Variants in CCDC7 observed in about 807,000 individuals in gnomAD.
CCDC7 encodes coiled-coil domain-containing protein 7.
Under a neutral mutation model 196.9 loss-of-function variants are expected in CCDC7, and 183 were observed. The ratio of observed to expected loss-of-function variants is 0.93; its 90% CI spans 0.82 to 1.05. CCDC7 has a LOEUF of 1.05. Among genes scored for constraint, CCDC7 ranks in the 50% least tolerant of loss-of-function variants. CCDC7 has a pLI of 0.00. For missense variants in CCDC7, 1,540 were observed against 1,482.2 expected, an observed-to-expected ratio of 1.04 and a Z score of -0.64; for synonymous variants, 525 against 484.6, an observed-to-expected ratio of 1.08 and a Z score of -1.10.
chr10:32,651,228 C>T (rs1414996828), intron 20 of CCDC7, among the ~76,000 whole-genome samples: 4 of 152,160 alleles, frequency 2.6e-5, no homozygotes, highest in Non-Finnish European at 4.4e-5. Flanking sequence ...TGAGCAGTCT[C>T]CCAGTCTCTT....
At chr10:32,878,428 T>G (rs1394084803), downstream of CCDC7, among the ~76,000 whole-genome samples, 1 of 152,080 alleles carries the variant, frequency 6.6e-6, no homozygotes, top group Non-Finnish European at 1.5e-5. Flanking sequence ...CTTGGAGAAG[T>G]AGGACCAGGA....
intron 30 of CCDC7, among the ~76,000 whole-genome samples, chr10:32,812,569 C>T (rs188525280): frequency 5.3e-5 from 8 of 152,010 alleles, no homozygotes; most frequent in African/African-American, 1.7e-4. Context: ...ACAGACATTA[C>T]TGAATGTATT....
upstream of CCDC7, among the ~76,000 whole-genome samples, chr10:32,449,103 T>C (rs774408301): frequency 6.6e-6 from 1 of 152,166 alleles, no homozygotes; most frequent in African/African-American, 2.4e-5. Context: ...ATGGCTGATA[T>C]TCTCTTTCTG....
chr10:32,804,468 T>C (rs2085414959), intron 29 of CCDC7, among the ~76,000 whole-genome samples: 2 of 152,178 alleles, frequency 1.3e-5, no homozygotes. Flanking sequence ...TCGCTGGTGC[T>C]TACTTGGTTT....
intron 13 of CCDC7, among the ~76,000 whole-genome samples, chr10:32,545,698 G>A (rs2052319377): frequency 6.6e-6 from 1 of 152,086 alleles, no homozygotes; most frequent in Non-Finnish European, 1.5e-5. Flanking sequence ...TTGAGGTCAG[G>A]AGTTCGAGAC....
At chr10:32,548,530 AAG>A (rs2052905373) in intron 13 of CCDC7, among the ~76,000 whole-genome samples, 1 of 152,236 alleles carries the variant, frequency 6.6e-6, no homozygotes, top group African/African-American at 2.4e-5. Context: ...ATGGCGGACA[AAG>A]AACACGGGAG....
intron 28 of CCDC7, among the ~76,000 whole-genome samples, chr10:32,759,280 T>C (rs1372152923): frequency 5.9e-5 from 9 of 152,038 alleles, no homozygotes; most frequent in African/African-American, 9.7e-5. Context: ...GAGCCCGCAT[T>C]GCCAAGTCAA....
intron 21 of CCDC7, among the ~76,000 whole-genome samples, chr10:32,685,095 T>G (rs541871704): frequency 6.6e-6 from 1 of 152,286 alleles, no homozygotes; most frequent in Admixed American, 6.5e-5. Context: ...TATTGTATTC[T>G]TACATTTCAC....
exon 10 of CCDC7, chr10:32,517,953 A>G: frequency 2.5e-6 from 4 of 1,592,110 alleles, no homozygotes; most frequent in Non-Finnish European, 3.4e-6. Context: ...AGAGCTGTAA[A>G]TGATCAAGTT....
intron 24 of CCDC7, among the ~76,000 whole-genome samples, chr10:32,711,308 C>A (rs1171211790): frequency 2.0e-5 from 3 of 151,810 alleles, no homozygotes; most frequent in Non-Finnish European, 1.5e-5. Flanking sequence ...TAATGAATGA[C>A]CTTGAACATA....
chr10:32,657,492 C>T (rs59671860), intron 20 of CCDC7, among the ~76,000 whole-genome samples: 13,560 of 152,276 alleles, frequency 0.089, 864 homozygotes, highest in East Asian at 0.33. Flanking sequence ...GGGGCTTGCA[C>T]CCTCTGAAGC....
intron 41 of CCDC7, among the ~76,000 whole-genome samples, chr10:32,871,329 G>A (rs1335867165): frequency 6.6e-6 from 1 of 152,088 alleles, no homozygotes; most frequent in Non-Finnish European, 1.5e-5. Context: ...TTAGTCTTGG[G>A]AGGATGTATG....
intron 18 of CCDC7, among the ~76,000 whole-genome samples, chr10:32,633,192 C>T (rs1428860436): frequency 2.8e-5 from 4 of 140,736 alleles, no homozygotes; most frequent in African/African-American, 8.1e-5. Context: ...ACACAGGGCT[C>T]CTCAGTTTGC....
intron 41 of CCDC7, among the ~76,000 whole-genome samples, chr10:32,862,237 TA>T (rs1353255800): frequency 6.6e-6 from 1 of 151,992 alleles, no homozygotes; most frequent in Non-Finnish European, 1.5e-5. Flanking sequence ...TATGCAGCCA[TA>T]AAAAAGAATG....
At chr10:32,530,903 A>G (rs1339027096) in intron 11 of CCDC7, among the ~76,000 whole-genome samples, 1 of 152,080 alleles carries the variant, frequency 6.6e-6, no homozygotes, top group African/African-American at 2.4e-5. Context: ...TTTGTTATAG[A>G]TGATCTTTAT....
At position 32,673,653 on chromosome 10, in the gene CCDC7, ACGTGTGTGTG is replaced by A. The variant is rs1286554219; in HGVS notation, c.2122+9493_2122+9502del. Among the ~76,000 whole-genome samples, 259 of 120,682 alleles carry A rather than the reference ACGTGTGTGTG, an allele frequency of 2.1e-3. 1 individual carries two copies. The highest frequency in any genetic ancestry group is 3.7e-3 in the Non-Finnish European group (231 of 62,044). The allele number at this position is 120,682 out of a possible 152,430, so 79.2% of individuals were successfully genotyped here. The stretch of plus-strand genomic sequence containing the variant: ...AATTTATTAGTTCTAACCATTGTGC[ACGTGTGTGTG>A]TGTGTGTGTGTGTGTGTGTGTGTGT... On this transcript the variant is annotated intron_variant, in intron 21 of 41. Transcript: ENST00000639629.
At chr10:32,810,210 G>A (rs947088679) in intron 30 of CCDC7, among the ~76,000 whole-genome samples, 2 of 152,062 alleles carry the variant, frequency 1.3e-5, no homozygotes, top group African/African-American at 4.8e-5. Context: ...ATTCTTGAAT[G>A]TAAACAGAAA....
At chr10:32,837,711 G>A (rs552043923) in intron 33 of CCDC7, among the ~76,000 whole-genome samples, 2 of 151,828 alleles carry the variant, frequency 1.3e-5, no homozygotes, top group Admixed American at 6.6e-5. Flanking sequence ...TTAAGAAAAT[G>A]TGGCACATAT....
Position 32,637,031 on chromosome 10 carries a change from T to C in CCDC7, c.2014+1873T>C, listed in dbSNP as rs185307665. Among the ~76,000 whole-genome samples the C allele has an allele frequency of 8.7e-4, 132 of 152,380 alleles. 1 individual carries two copies. The highest frequency in any genetic ancestry group is 2.9e-3 in the African/African-American group (120 of 41,594). The stretch of plus-strand genomic sequence containing the variant: ...TGTTGGCTGCATAAATGTCTTCTTT[T>C]GAGAAGTGTTTGTTCATATCTTTCG... On this transcript the variant is annotated intron_variant, in intron 20 of 41. Transcript: ENST00000639629.
Sources: gnomAD v4.1 joint callset for allele counts (sites outside exome capture counted in the v4.1 genomes callset) on GRCh38, gnomAD v4.1.1 for gene constraint, MANE v1.5 for transcripts, NCBI Gene and HGNC (gene_info 2026-07-23, HGNC 2026-07-21) for gene names.